The following PRPF8 variants were observed in gnomAD, a reference collection of about 807,000 sequenced individuals.
PRPF8 encodes pre-mRNA-processing-splicing factor 8.
In PRPF8, 64 loss-of-function variants were observed where a neutral mutation model predicts 285.9. The ratio of observed to expected loss-of-function variants is 0.22; its 90% CI spans 0.18 to 0.28. The LOEUF (loss-of-function observed/expected upper bound fraction) is 0.28, where lower values mean the gene tolerates loss of function less well. Among genes scored for constraint, PRPF8 ranks in the 10% least tolerant of loss-of-function variants. The pLI is 1.00. For synonymous variants in PRPF8, 1,325 were observed against 1,118.2 expected, an observed-to-expected ratio of 1.18 and a Z score of -3.69; for missense variants, 1,426 against 3,026.7, an observed-to-expected ratio of 0.47 and a Z score of 12.41.
intron 8 of PRPF8, among the ~76,000 whole-genome samples, chr17:1,680,187 T>C (rs564949872): frequency 1.3e-5 from 2 of 152,332 alleles, no homozygotes; most frequent in South Asian, 4.1e-4. Context: ...GACTACATAG[T>C]GTACGATTCT....
Position 1,661,901 on chromosome 17 carries a change from T to A in PRPF8, c.4022+5A>T. ...GGTTTAGAAATACGTTGAACCAGGCTGTACCTGAGGTCGGATTGGGGGATG... is the reference window on the plus strand; with the variant it reads ...GGTTTAGAAATACGTTGAACCAGGCAGTACCTGAGGTCGGATTGGGGGATG... On this transcript the variant is annotated splice_donor_5th_base_variant and intron_variant, in intron 25 of 42. Coordinates refer to ENST00000304992, the MANE Select transcript of PRPF8 (RefSeq NM_006445.4). This position sits in a 1 kb window ranked among gnomAD's most constrained non-coding sequence, Gnocchi z 7.3. The A allele has an allele frequency of 1.9e-6, 3 of 1,614,190 alleles. No individual in the cohort carries two copies. The highest frequency in any genetic ancestry group is 2.5e-6 in the Non-Finnish European group (3 of 1,180,024).
intron 2 of PRPF8, among the ~76,000 whole-genome samples, chr17:1,684,199 T>TA (rs750903700): frequency 8.5e-5 from 13 of 152,138 alleles, no homozygotes; most frequent in Non-Finnish European, 1.5e-4. Context: ...ACATTTTTAT[T>TA]ACAGAGCTTC....
chr17:1,653,731 G>A lies in PRPF8; in HGVS notation c.6227+46C>T. On this transcript the variant is annotated intron_variant, in intron 38 of 42. Transcript: ENST00000304992. This position sits in a 1 kb window ranked among gnomAD's most constrained non-coding sequence, Gnocchi z 4.9. ...AGCATCGCTCAGCCCAGCACCTTAG[G>A]TAGTGCAGCCGGCCTTTCCATCCCC... The A allele has an allele frequency of 6.2e-7, 1 of 1,614,130 alleles. No homozygotes were observed. Among genetic ancestry groups the A allele is most frequent in the Middle Eastern group, 1.6e-4 (1 of 6,062 alleles).
chr17:1,658,265 CT>C lies in PRPF8; in HGVS notation c.5492del (p.Lys1831SerfsTer18). 1 of 1,614,230 alleles carries C rather than the reference CT, an allele frequency of 6.2e-7. No homozygotes were observed. The highest frequency in any genetic ancestry group is 8.5e-7 in the Non-Finnish European group (1 of 1,180,046). ...IIHTSVWAGQ[K>X]RLGQLAKWKT... ...TAAACCTGCTCACCTGCCCCAAACG[CT>C]TCTGTCCCGCCCACACGGACGTGTG... On this transcript the variant is annotated frameshift_variant, in exon 34 of 43. Transcript: ENST00000304992. LOFTEE classifies it high-confidence loss of function. This position sits in a 1 kb window ranked among gnomAD's most constrained non-coding sequence, Gnocchi z 4.1.
In PRPF8 at chr17:1,684,805, G is replaced by A. The variant is rs1048433593; in HGVS notation, c.-37C>T. ...CCCACAGGCCCTCACACAAGAGGCC[G>A]CTTTCCCCGCAGCGCAATGGCGGCC... On this transcript the variant is annotated 5_prime_UTR_variant, in exon 1 of 43. Transcript: ENST00000304992. The A allele has an allele frequency of 1.2e-5, 7 of 598,270 alleles. No individual in the cohort carries two copies. Among genetic ancestry groups the A allele is most frequent in the African/African-American group, 5.6e-5 (3 of 53,742 alleles). The allele number at this position is 598,270 out of a possible 1,614,324, so 37.1% of individuals were successfully genotyped here. A position where few individuals can be genotyped will look rare whatever the true frequency, so the allele number is the denominator to read the frequency against.
rs779072396 is a variant in PRPF8 at position 1,675,230 on chromosome 17, G to A, written c.2982C>T (p.Asn994=). 1.2e-6 allele frequency: 2 copies of A among 1,614,192 alleles called. No individual in the cohort carries two copies. The highest frequency in any genetic ancestry group is 2.2e-5 in the South Asian group (2 of 91,088). ...MYEKIDLTLL[N]RLLRLIVDHN... ...GGTCCACGATGAGGCGCAGCAGCCT[G>A]TTGAGCAGAGTCAAGTCGATCTTCT... The change falls in exon 20 of 43, where the codon AAC becomes AAT. Residue 994 remains asparagine (N), a synonymous_variant. Coordinates refer to ENST00000304992, the MANE Select transcript of PRPF8 (RefSeq NM_006445.4). This position sits in a 1 kb window ranked among gnomAD's most constrained non-coding sequence, Gnocchi z 6.0.
At position 1,651,516 on chromosome 17, in the gene PRPF8, T is replaced by C. The variant is rs1911066272; in HGVS notation, c.6548A>G (p.Asn2183Ser). 1.2e-6 allele frequency: 2 copies of C among 1,614,008 alleles called. No individual in the cohort carries two copies. The highest frequency in any genetic ancestry group is 8.5e-7 in the Non-Finnish European group (1 of 1,180,032). Residue 2183 changes from asparagine to serine, a missense_variant, in exon 41 of 43, where the codon AAT becomes AGT. Asn to Ser is a conservative substitution (Grantham distance 46). Transcript: ENST00000304992. This position sits in a 1 kb window ranked among gnomAD's most constrained non-coding sequence, Gnocchi z 5.1. ...CTGGGGTGATAACTGCGGGGACTCA[T>C]TGGGCTGAGTGTGGATCCAACCTAA... ...EPLGWIHTQP[N>S]ESPQLSPQDV...
In PRPF8 at chr17:1,683,680, T is replaced by A. The variant is rs1451037639; in HGVS notation, c.122A>T (p.Gln41Leu). ...CCGCTTTTCTGCATAGCGCTTGGCC[T>A]GCAATTGCTGCCATTTTCGAGCTGG... is the stretch of plus-strand genomic sequence containing the variant. Reference protein sequence around the residue: ...QEKARKWQQLQAKRYAEKRKF... With the variant: ...QEKARKWQQLLAKRYAEKRKF... The change falls in exon 3 of 43, where the codon CAG becomes CTG. Residue 41 changes from glutamine to leucine, a missense_variant. Gln to Leu is a moderately radical substitution (Grantham distance 113). This residue lies in a region of PRPF8 where 72 missense variants were observed against 80.0 expected (regional missense o/e 0.90). Transcript: ENST00000304992. 1 of 1,614,094 alleles carries A rather than the reference T, an allele frequency of 6.2e-7. No individual in the cohort carries two copies. The highest frequency in any genetic ancestry group is 1.7e-5 in the Admixed American group (1 of 60,008).
chr17:1,663,984 A>C (rs558714843), intron 24 of PRPF8, among the ~76,000 whole-genome samples: 1 of 152,258 alleles, frequency 6.6e-6, no homozygotes, highest in African/African-American at 2.4e-5. Flanking sequence ...TAATAACAGA[A>C]TTTCAAAAAT....
chr17:1,671,194 C>T (rs1023031667), intron 24 of PRPF8, among the ~76,000 whole-genome samples: 1 of 152,198 alleles, frequency 6.6e-6, no homozygotes, highest in African/African-American at 2.4e-5. Flanking sequence ...TCACATGCTA[C>T]TTCTTTCAGG....
rs748001743 is a variant in PRPF8, at chr17:1,674,664, T to C, written c.3077A>G (p.Asn1026Ser). The C allele has an allele frequency of 6.2e-7, 1 of 1,613,886 alleles. No individual in the cohort carries two copies. The highest frequency in any genetic ancestry group is 8.5e-7 in the Non-Finnish European group (1 of 1,179,918). ...VINYKDMNHT[N>S]SYGIIRGLQF... ...CAGGCCTCTGATGATCCCATATGAATTCGTATGGTTCATGTCCTAGAAAGA... is the reference window on the plus strand; with the variant it reads ...CAGGCCTCTGATGATCCCATATGAACTCGTATGGTTCATGTCCTAGAAAGA... The change falls in exon 21 of 43, where the codon AAT (asparagine) becomes AGT (serine). Residue 1026 changes from asparagine (N) to serine (S), a missense_variant. This residue lies in a region of PRPF8 where 32 missense variants were observed against 89.2 expected (regional missense o/e 0.36). Coordinates refer to ENST00000304992, the MANE Select transcript of PRPF8 (RefSeq NM_006445.4).
Position 1,673,785 on chromosome 17 carries a change from C to T in PRPF8, c.3407G>A (p.Arg1136Gln). 6.2e-7 allele frequency: 1 copy of T among 1,614,128 alleles called. No individual in the cohort carries two copies. The highest frequency in any genetic ancestry group is 8.5e-7 in the Non-Finnish European group (1 of 1,180,042). ...TTTCATGAGGCGCATGCGGGCATCT[C>T]GGGGCCAGCACTTCTTGTTATTATA... The part of the protein sequence containing the change: ...VGYNNKKCWP[R>Q]DARMRLMKHD... The change falls in exon 22 of 43, where the codon CGA (arginine) becomes CAA (glutamine). Residue 1136 changes from arginine (R) to glutamine (Q), a missense_variant. Arg to Gln is a conservative substitution (Grantham distance 43). Around this residue, in one of 34 missense-constraint regions of PRPF8, gnomAD observed 148 missense variants for 196.2 expected, o/e 0.75. Transcript: ENST00000304992. The surrounding 1 kb of genome is among the most constrained non-coding windows in gnomAD (Gnocchi z 5.5).
At chr17:1,678,989 G>A (rs369130994) in intron 11 of PRPF8, 28 bp downstream of exon 11, 12 of 1,613,666 alleles carry the variant, frequency 7.4e-6, no homozygotes, top group Non-Finnish European at 1.0e-5. Flanking sequence ...TTGAAGCCCA[G>A]GAGGCCCCTA....
rs554637676 is a variant in PRPF8 at position 1,664,447 on chromosome 17, G to T, written c.3775-2294C>A. Among the ~76,000 whole-genome samples the T allele has an allele frequency of 1.1e-4, 17 of 152,210 alleles. No individual in the cohort carries two copies. The South Asian group carries it at 3.5e-3, about 32-fold the overall frequency. The stretch of plus-strand genomic sequence containing the variant: ...CTCAACCTAACAATAGCAGAATACA[G>T]ATTAACAGATATTTTCCAGCACACA... On this transcript the variant is annotated intron_variant, in intron 24 of 42. Coordinates refer to ENST00000304992, the MANE Select transcript of PRPF8 (RefSeq NM_006445.4).
chr17:1,679,032 T>C lies in PRPF8; in HGVS notation c.1584A>G (p.Lys528=). The C allele has an allele frequency of 6.2e-7, 1 of 1,614,072 alleles. No homozygotes were observed. Among genetic ancestry groups the C allele is most frequent in the South Asian group, 1.1e-5 (1 of 91,068 alleles). Residue 528 remains lysine, a synonymous_variant, in exon 11 of 43, where the codon AAA becomes AAG. Transcript: ENST00000304992. The surrounding 1 kb of genome is among the most constrained non-coding windows in gnomAD (Gnocchi z 4.7). ...LDYNFNLKPV[K]TLTTKERKKS... The stretch of plus-strand genomic sequence containing the variant: ...ATGCAGGCACCTTGGTGGTGAGCGT[T>C]TTCACAGGCTTGAGGTTGAAGTTGT...
In PRPF8 at chr17:1,676,167, G is replaced by A; in HGVS notation, c.2552+40C>T. On this transcript the variant is annotated intron_variant, in intron 17 of 42. Transcript: ENST00000304992. The surrounding 1 kb of genome is among the most constrained non-coding windows in gnomAD (Gnocchi z 6.3). ...TCTGAGGATGACGCCATTCCCTGCT[G>A]TCACCTTCCCAGCAGGAACCTATCT... 1 of 1,612,570 alleles carries A rather than the reference G, an allele frequency of 6.2e-7. No individual in the cohort carries two copies. Among genetic ancestry groups the A allele is most frequent in the Non-Finnish European group, 8.5e-7 (1 of 1,179,982 alleles).
At chr17:1,671,473 T>G (rs1044390612) in intron 24 of PRPF8, among the ~76,000 whole-genome samples, 3 of 152,104 alleles carry the variant, frequency 2.0e-5, no homozygotes, top group African/African-American at 7.2e-5. Flanking sequence ...AATCCAGCAT[T>G]AGAGAGGCTA....
chr17:1,680,418 T>G, intron 8 of PRPF8: 3 of 474,420 alleles, frequency 6.3e-6, no homozygotes, highest in East Asian at 8.2e-5. Flanking sequence ...ATAACTTGTA[T>G]GGTATGTTAA....
intron 24 of PRPF8, 96 bp downstream of exon 24, chr17:1,672,985 G>A: frequency 1.7e-6 from 2 of 1,150,862 alleles, no homozygotes; most frequent in Non-Finnish European, 2.6e-6. Context: ...GCAAAGAAGA[G>A]AAGGAAGCAG....
Sources: gnomAD v4.1 joint callset for allele counts (sites outside exome capture counted in the v4.1 genomes callset) on GRCh38, gnomAD v4.1.1 for gene constraint, gnomAD v4.1.1 regional missense constraint, Gnocchi (gnomAD v3.1) non-coding constraint, MANE v1.5 for transcripts, NCBI Gene and HGNC (gene_info 2026-07-23, HGNC 2026-07-21) for gene names.